The following PLEKHH2 variants were observed in gnomAD, a reference collection of about 807,000 sequenced individuals.
The protein encoded by PLEKHH2 is pleckstrin homology, MyTH4 and FERM domain containing H2, also known as pleckstrin homology domain-containing family H member 2.
Under a neutral mutation model 187.9 loss-of-function variants are expected in PLEKHH2, and 129 were observed. The ratio of observed to expected loss-of-function variants is 0.69; its 90% CI spans 0.59 to 0.79. The LOEUF (loss-of-function observed/expected upper bound fraction) is 0.79, where lower values mean the gene tolerates loss of function less well. Ranked by LOEUF, PLEKHH2 falls within the 30% of genes least tolerant of loss-of-function variation. The pLI, the probability that PLEKHH2 is intolerant of heterozygous loss-of-function variation, is 0.00. For synonymous variants in PLEKHH2, 686 were observed against 605.6 expected, an observed-to-expected ratio of 1.13 and a Z score of -1.95; for missense variants, 2,076 against 1,751.2, an observed-to-expected ratio of 1.19 and a Z score of -3.31.
At chr2:43,722,187 T>C (rs767029195) in intron 16 of PLEKHH2, among the ~76,000 whole-genome samples, 2 of 150,740 alleles carry the variant, frequency 1.3e-5, no homozygotes, top group African/African-American at 2.4e-5. Context: ...GCCCAGGAGA[T>C]TGAGGCTGCA....
In PLEKHH2 at chr2:43,767,580, C is replaced by T. The variant is rs557590974; in HGVS notation, c.*1982C>T. The T allele has an allele frequency of 6.6e-6, 1 of 152,504 alleles. No homozygotes were observed. Among genetic ancestry groups the T allele is most frequent in the African/African-American group, 2.4e-5 (1 of 41,550 alleles). 9.4% of individuals were successfully genotyped at this position (152,504 alleles called of 1,614,324 possible). On this transcript the variant is annotated 3_prime_UTR_variant, in exon 30 of 30. Coordinates refer to ENST00000282406, the MANE Select transcript of PLEKHH2 (RefSeq NM_172069.4). ...GGGTTACAGAAGAGTTTCTAAGTTCCTAGAGAGCCATTTAATAATTAGTTG... is the reference window on the plus strand; with the variant it reads ...GGGTTACAGAAGAGTTTCTAAGTTCTTAGAGAGCCATTTAATAATTAGTTG...
intron 3 of PLEKHH2, among the ~76,000 whole-genome samples, chr2:43,680,034 A>G (rs1216602773): frequency 2.6e-5 from 4 of 152,162 alleles, no homozygotes; most frequent in Non-Finnish European, 5.9e-5. Flanking sequence ...CAGCATTAAA[A>G]TGAGCAGTAA....
At chr2:43,726,022 A>T (rs1213294621) in intron 16 of PLEKHH2, among the ~76,000 whole-genome samples, 2 of 151,382 alleles carry the variant, frequency 1.3e-5, no homozygotes, top group East Asian at 3.9e-4. Context: ...GGAGGCTGAG[A>T]TGGAAGGATC....
At chr2:43,647,228 C>G (rs1666224737) in intron 2 of PLEKHH2, among the ~76,000 whole-genome samples, 1 of 152,176 alleles carries the variant, frequency 6.6e-6, no homozygotes, top group African/African-American at 2.4e-5. Context: ...AAGAAATCTT[C>G]TAAGTGCTTT....
At position 43,704,043 on chromosome 2, in the gene PLEKHH2, G is replaced by C. The variant is rs771203513; in HGVS notation, c.1713G>C (p.Glu571Asp). Reference protein sequence around the residue: ...GIRMSEAFNMESVNKNSAATL... With the variant: ...GIRMSEAFNMDSVNKNSAATL... ...GAATGTCTGAGGCCTTCAATATGGA[G>C]AGTGTTAATAAAAGTAAGTGCTTTT... The change falls in exon 9 of 30, where the codon GAG becomes GAC. Residue 571 changes from glutamate (E) to aspartate (D), a missense_variant. Glu to Asp is a conservative substitution (Grantham distance 45). Coordinates refer to ENST00000282406, the MANE Select transcript of PLEKHH2 (RefSeq NM_172069.4). The C allele has an allele frequency of 6.3e-7, 1 of 1,597,102 alleles. No individual in the cohort carries two copies. The highest frequency in any genetic ancestry group is 1.1e-5 in the South Asian group (1 of 90,334).
intron 6 of PLEKHH2, 150 bp downstream of exon 6, chr2:43,695,374 C>T (rs762545058): frequency 1.3e-5 from 6 of 449,982 alleles, no homozygotes; most frequent in Non-Finnish European, 2.4e-5. Context: ...ACCAGAAGTC[C>T]TGCATTCGAG....
intron 2 of PLEKHH2, among the ~76,000 whole-genome samples, chr2:43,656,975 C>T (rs933451275): frequency 5.9e-5 from 9 of 152,240 alleles, no homozygotes; most frequent in East Asian, 3.9e-4. Context: ...GCCGAGATCG[C>T]GCCATTGCAC....
Position 43,762,326 on chromosome 2 carries a change from G to T in PLEKHH2, c.4094G>T (p.Gly1365Val). 6.2e-7 allele frequency: 1 copy of T among 1,612,512 alleles called. No homozygotes were observed. The highest frequency in any genetic ancestry group is 8.5e-7 in the Non-Finnish European group (1 of 1,178,726). ...TAGCCCATAACTCCATCATCACTTG[G>T]AAGTACTTTCTTGTGGCTGGCTGTA... ...LAKPITPSSLGSTFLWLAVHE... is the reference protein window; with the variant it reads ...LAKPITPSSLVSTFLWLAVHE... Residue 1365 changes from glycine to valine, a missense_variant, in exon 28 of 30, where the codon GGA becomes GTA. By Grantham distance (109) the Gly-to-Val change is moderately radical. Coordinates refer to ENST00000282406, the MANE Select transcript of PLEKHH2 (RefSeq NM_172069.4).
At chr2:43,686,087 CT>C (rs1668487874) in intron 3 of PLEKHH2, among the ~76,000 whole-genome samples, 39 of 152,160 alleles carry the variant, frequency 2.6e-4, no homozygotes, top group Admixed American at 2.6e-3. Context: ...CTAATCTTCC[CT>C]TTCTGTAAAG....
chr2:43,642,988 T>G (rs887484629), intron 1 of PLEKHH2, among the ~76,000 whole-genome samples: 2 of 152,130 alleles, frequency 1.3e-5, no homozygotes, highest in Non-Finnish European at 2.9e-5. Context: ...GATGCCCCTT[T>G]CAGGCCTACT....
At chr2:43,754,664 T>G (rs1034711930) in intron 25 of PLEKHH2, among the ~76,000 whole-genome samples, 1 of 152,164 alleles carries the variant, frequency 6.6e-6, no homozygotes, top group Non-Finnish European at 1.5e-5. Flanking sequence ...CCTAGGTTAA[T>G]TAAGGAAAAT....
intron 3 of PLEKHH2, chr2:43,680,926 G>T: frequency 4.2e-6 from 3 of 714,912 alleles, no homozygotes; most frequent in Non-Finnish European, 4.6e-6. Context: ...TTATGTCCAG[G>T]GCCACTTTAG....
intron 2 of PLEKHH2, among the ~76,000 whole-genome samples, chr2:43,649,319 G>A (rs1388241503): frequency 6.6e-6 from 1 of 152,194 alleles, no homozygotes; most frequent in Non-Finnish European, 1.5e-5. Context: ...CAGTTGAAGT[G>A]AAATGTTATT....
intron 14 of PLEKHH2, chr2:43,711,619 C>T (rs112505066): frequency 0.19 from 178,739 of 954,652 alleles, 17,733 homozygotes; most frequent in Non-Finnish European, 0.2. Context: ...TGGCCGGGCG[C>T]GGTGGCTCAC....
Position 43,742,853 on chromosome 2 carries a change from C to T in PLEKHH2, c.3334C>T (p.Arg1112Ter), listed in dbSNP as rs745723683. 1.9e-5 allele frequency: 31 copies of T among 1,609,066 alleles called. No individual in the cohort carries two copies. The highest frequency in any genetic ancestry group is 4.4e-5 in the South Asian group (4 of 90,064). ...GATGGAAATTCTTTCAACTCTTCTC[C>T]GAAACCCTTATCACCATTCTTTGCC... ...SRMEILSTLLRNPYHHSLPFS... is the reference protein window; with the variant it reads ...SRMEILSTLL Residue 1112 changes from arginine to a stop codon, truncating the protein, a stop_gained, in exon 22 of 30, where the codon CGA (arginine) becomes TGA (stop). Coordinates refer to ENST00000282406, the MANE Select transcript of PLEKHH2 (RefSeq NM_172069.4). LOFTEE classifies it high-confidence loss of function.
intron 25 of PLEKHH2, among the ~76,000 whole-genome samples, chr2:43,754,309 C>T (rs570322902): frequency 6.6e-6 from 1 of 152,210 alleles, no homozygotes; most frequent in East Asian, 1.9e-4. Flanking sequence ...TGGGCTTTAT[C>T]CTGTTCTCTC....
chr2:43,669,262 G>A (rs1449494220), intron 2 of PLEKHH2, among the ~76,000 whole-genome samples: 1 of 152,112 alleles, frequency 6.6e-6, no homozygotes, highest in Non-Finnish European at 1.5e-5. Context: ...CAATAAACAT[G>A]GAAAAAGGTA....
At chr2:43,713,849 A>G (rs1431092883) in intron 15 of PLEKHH2, among the ~76,000 whole-genome samples, 1 of 152,172 alleles carries the variant, frequency 6.6e-6, no homozygotes, top group Non-Finnish European at 1.5e-5. Context: ...TGTGTAGTTT[A>G]TACTTATTAT....
At chr2:43,695,097 TA>T (rs943860175) in intron 5 of PLEKHH2, 45 bp from the exon 6 acceptor site, 17 of 1,033,350 alleles carry the variant, frequency 1.6e-5, no homozygotes, top group Non-Finnish European at 2.3e-5. Context: ...AGTACATTTT[TA>T]TAATATTATC....
Sources: gnomAD v4.1 joint callset for allele counts (sites outside exome capture counted in the v4.1 genomes callset) on GRCh38, gnomAD v4.1.1 for gene constraint, MANE v1.5 for transcripts, NCBI Gene and HGNC (gene_info 2026-07-23, HGNC 2026-07-21) for gene names.